Variants in BEND3 observed in about 807,000 individuals in gnomAD.
BEND3 encodes the protein BEN domain-containing protein 3.
BEND3 carries 13 observed loss-of-function variants against 60.1 expected under a neutral mutation model. That is an observed-to-expected ratio of 0.22 (90% CI 0.14 to 0.34). The LOEUF (loss-of-function observed/expected upper bound fraction) is 0.34, where lower values mean the gene tolerates loss of function less well. BEND3 is among the 10% of genes least tolerant of loss of function. The pLI, the probability that BEND3 is intolerant of heterozygous loss-of-function variation, is 1.00. For synonymous variants in BEND3, 497 were observed against 491.5 expected, an observed-to-expected ratio of 1.01 and a Z score of -0.15; for missense variants, 896 against 1,138.1, an observed-to-expected ratio of 0.79 and a Z score of 3.06.
At chr6:107,114,648 G>A (rs1770220656) in intron 1 of BEND3, among the ~76,000 whole-genome samples, 1 of 143,698 alleles carries the variant, frequency 7.0e-6, no homozygotes, top group Non-Finnish European at 1.5e-5. Context: ...CCAAGCCGCC[G>A]CGAGTACGGC....
chr6:107,070,347 C>A lies in BEND3; in HGVS notation c.844G>T (p.Val282Leu). 1.9e-6 allele frequency: 3 copies of A among 1,612,646 alleles called. No individual in the cohort carries two copies. Among genetic ancestry groups the A allele is most frequent in the African/African-American group, 1.3e-5 (1 of 74,838 alleles). The change falls in exon 4 of 4, where the codon GTG becomes TTG. Residue 282 changes from valine (V) to leucine (L), a missense_variant. Around this residue, in one of 4 missense-constraint regions of BEND3, gnomAD observed 846 missense variants for 1,036.7 expected, o/e 0.82. Transcript: ENST00000369042. The surrounding 1 kb of genome is among the most constrained non-coding windows in gnomAD (Gnocchi z 6.9). The stretch of plus-strand genomic sequence containing the variant: ...GCACTGCAGCCCCGGGAGAAGTCCA[C>A]GTCGCTGAAGAGCTCGGGGAAGAGC... ...VQLFPELFSD[V>L]DFSRGCSACG...
rs1323339909 is a variant in BEND3, at chr6:107,073,245, ATATATATATATATATATATG to A, written c.241-2315_241-2296del. On this transcript the variant is annotated intron_variant, in intron 3 of 3. Transcript: ENST00000369042. ...TATATATATATATATATATATATAT[ATATATATATATATATATATG>A]TATGTGAGCAAATGGTCAGTGGCAA... 6.1e-3 allele frequency among the ~76,000 whole-genome samples: 142 copies of A among 23,450 alleles called. 3 individuals are homozygous for A. Among genetic ancestry groups the A allele is most frequent in the African/African-American group, 0.016 (128 of 7,766 alleles). 15.4% of individuals were successfully genotyped at this position (23,450 alleles called of 152,430 possible).
At chr6:107,078,985 T>G (rs1252311791) in intron 3 of BEND3, among the ~76,000 whole-genome samples, 1 of 151,932 alleles carries the variant, frequency 6.6e-6, no homozygotes, top group Admixed American at 6.6e-5. Flanking sequence ...ACGCCCCCAT[T>G]TCTATCCTGT....
intron 3 of BEND3, among the ~76,000 whole-genome samples, chr6:107,078,422 G>C (rs1775143739): frequency 6.6e-6 from 1 of 151,462 alleles, no homozygotes; most frequent in Admixed American, 6.6e-5. Context: ...GCTGGTCATG[G>C]GGTTGAGGGC....
At chr6:107,110,653 C>A (rs979384505) in intron 1 of BEND3, among the ~76,000 whole-genome samples, 5 of 152,040 alleles carry the variant, frequency 3.3e-5, no homozygotes, top group African/African-American at 1.2e-4. Context: ...CTCCTCCTCC[C>A]AGGTTCAAGC....
At chr6:107,110,241 A>C (rs1775913020) in intron 1 of BEND3, among the ~76,000 whole-genome samples, 1 of 152,170 alleles carries the variant, frequency 6.6e-6, no homozygotes, top group Non-Finnish European at 1.5e-5. Flanking sequence ...ATAGTTTGTA[A>C]AAGTGGTTTT....
intron 1 of BEND3, among the ~76,000 whole-genome samples, chr6:107,103,673 G>A (rs909717326): frequency 1.3e-5 from 2 of 149,878 alleles, no homozygotes; most frequent in Non-Finnish European, 3.0e-5. Flanking sequence ...AAGAGGCCAG[G>A]CACGGTGGCA....
chr6:107,084,720 A>G (rs1200894366), intron 3 of BEND3, among the ~76,000 whole-genome samples: 2 of 152,220 alleles, frequency 1.3e-5, no homozygotes, highest in Non-Finnish European at 2.9e-5. Context: ...TTGTAAACAC[A>G]CCAATCAGCA....
intron 3 of BEND3, among the ~76,000 whole-genome samples, chr6:107,080,397 AAAAAGAAAAG>A (rs200310158): frequency 6.6e-6 from 1 of 151,486 alleles, no homozygotes. Context: ...GGAAAAAGAA[AAAAAGAAAAG>A]AAAAGAAAAA....
chr6:107,085,094 G>T (rs1247185732), intron 3 of BEND3, among the ~76,000 whole-genome samples: 6 of 152,262 alleles, frequency 3.9e-5, no homozygotes, highest in Middle Eastern at 3.4e-3. Context: ...CCACTGGGAG[G>T]AACAAACAAC....
chr6:107,073,508 A>T (rs1161484898), intron 3 of BEND3, among the ~76,000 whole-genome samples: 1 of 151,968 alleles, frequency 6.6e-6, no homozygotes, highest in Non-Finnish European at 1.5e-5. Flanking sequence ...CCCAGTGCCT[A>T]GCAAAGTGCC....
intron 3 of BEND3, among the ~76,000 whole-genome samples, chr6:107,090,250 G>A (rs1337510874): frequency 1.3e-5 from 2 of 152,144 alleles, no homozygotes; most frequent in African/African-American, 4.8e-5. Flanking sequence ...TGGGGAGGCT[G>A]AGGCACGAGA....
intron 3 of BEND3, among the ~76,000 whole-genome samples, chr6:107,096,194 A>G (rs188835001): frequency 2.6e-4 from 40 of 152,342 alleles, no homozygotes; most frequent in Admixed American, 7.2e-4. Context: ...AAACTGCTCT[A>G]TAAAATAAAG....
intron 1 of BEND3, among the ~76,000 whole-genome samples, chr6:107,104,289 C>CAA (rs34091506): frequency 8.9e-5 from 9 of 101,642 alleles, no homozygotes; most frequent in African/African-American, 2.3e-4. Flanking sequence ...GACTCCGTCT[C>CAA]AAAAAAAAAA....
intron 3 of BEND3, among the ~76,000 whole-genome samples, chr6:107,093,001 C>A (rs1263296170): frequency 2.0e-5 from 3 of 152,150 alleles, no homozygotes; most frequent in Non-Finnish European, 4.4e-5. Flanking sequence ...AATGGAGAGA[C>A]ATTCCATGCT....
chr6:107,097,790 CAAAAAAAAAAAAA>C (rs10674719), intron 3 of BEND3, among the ~76,000 whole-genome samples: 2 of 53,350 alleles, frequency 3.7e-5, no homozygotes, highest in East Asian at 1.4e-3. Context: ...AACTCCGTCT[CAAAAAAAAAAAAA>C]AAAAAAAAAA....
At chr6:107,090,697 G>A (rs1269796998) in intron 3 of BEND3, among the ~76,000 whole-genome samples, 1 of 152,184 alleles carries the variant, frequency 6.6e-6, no homozygotes, top group East Asian at 1.9e-4. Context: ...CACTTCTGAA[G>A]TGGTAGGTTA....
At chr6:107,106,996 G>A (rs797035677) in intron 1 of BEND3, among the ~76,000 whole-genome samples, 19 of 150,858 alleles carry the variant, frequency 1.3e-4, no homozygotes, top group African/African-American at 4.4e-4. Flanking sequence ...GAGTGCAGTG[G>A]CACAATTTCG....
intron 3 of BEND3, among the ~76,000 whole-genome samples, chr6:107,095,964 G>A (rs1209579195): frequency 2.6e-5 from 4 of 152,074 alleles, no homozygotes; most frequent in Non-Finnish European, 5.9e-5. Flanking sequence ...ACTACAAATG[G>A]TATATACATT....
Sources: gnomAD v4.1 joint callset for allele counts (sites outside exome capture counted in the v4.1 genomes callset) on GRCh38, gnomAD v4.1.1 for gene constraint, gnomAD v4.1.1 regional missense constraint, Gnocchi (gnomAD v3.1) non-coding constraint, MANE v1.5 for transcripts, NCBI Gene and HGNC (gene_info 2026-07-23, HGNC 2026-07-21) for gene names.